Variants in PDE3B observed in about 807,000 individuals in gnomAD.
PDE3B encodes cGMP-inhibited 3',5'-cyclic phosphodiesterase 3B.
In PDE3B, 66 loss-of-function variants were observed where a neutral mutation model predicts 116.8. The observed-to-expected ratio is 0.56, with a 90% CI of 0.46 to 0.69. The LOEUF is 0.69. Among genes scored for constraint, PDE3B ranks in the 30% least tolerant of loss-of-function variants. PDE3B has a pLI of 0.00. For missense variants in PDE3B, 1,384 were observed against 1,368.1 expected, an observed-to-expected ratio of 1.01 and a Z score of -0.18; for synonymous variants, 595 against 533.6, an observed-to-expected ratio of 1.12 and a Z score of -1.59.
chr11:14,763,496 G>A (rs529017395), intron 1 of PDE3B, among the ~76,000 whole-genome samples: 1 of 151,942 alleles, frequency 6.6e-6, no homozygotes, highest in African/African-American at 2.4e-5. Context: ...ATGATAAAGG[G>A]GTGTGTGTGT....
At chr11:14,746,442 T>TTTTTC (rs1281407624) in intron 1 of PDE3B, among the ~76,000 whole-genome samples, 1 of 152,096 alleles carries the variant, frequency 6.6e-6, no homozygotes, top group Non-Finnish European at 1.5e-5. Context: ...GCTAATGCCC[T>TTTTTC]TTTTCTAGGG....
intron 4 of PDE3B, among the ~76,000 whole-genome samples, chr11:14,791,034 G>A (rs1160899177): frequency 6.6e-6 from 1 of 152,060 alleles, no homozygotes; most frequent in Non-Finnish European, 1.5e-5. Flanking sequence ...GCATGACTAA[G>A]GAACTGACTT....
chr11:14,820,704 G>T (rs1284835037), intron 7 of PDE3B, among the ~76,000 whole-genome samples: 1 of 152,028 alleles, frequency 6.6e-6, no homozygotes, highest in Non-Finnish European at 1.5e-5. Flanking sequence ...TCATGAATGG[G>T]ATTAGTTCCC....
At chr11:14,877,983 A>G in the PDE3B span, 1 of 822,300 alleles carries the variant, frequency 1.2e-6, no homozygotes, top group South Asian at 1.8e-5. Context: ...CTGCTCTAGT[A>G]CTATTTTAAG....
At chr11:14,887,483 ACTTATC>A in the PDE3B span, 1 of 646,236 alleles carries the variant, frequency 1.5e-6, no homozygotes, top group Non-Finnish European at 1.9e-6. Context: ...AATTGTGAAA[ACTTATC>A]CTTAAACTGC....
intron 1 of PDE3B, 37 bp from the exon 2 acceptor site, chr11:14,771,900 A>G (rs934926747): frequency 1.0e-5 from 10 of 990,484 alleles, no homozygotes; most frequent in East Asian, 2.9e-5. Flanking sequence ...TTTTTTGTTT[A>G]TTTTTGGTTT....
At chr11:14,747,456 T>C (rs192809053) in intron 1 of PDE3B, among the ~76,000 whole-genome samples, 1 of 152,162 alleles carries the variant, frequency 6.6e-6, no homozygotes, top group Non-Finnish European at 1.5e-5. Context: ...AGTGAGTGAG[T>C]ACTAGGAAGA....
At chr11:14,791,480 T>C (rs1858389177) in intron 4 of PDE3B, among the ~76,000 whole-genome samples, 1 of 152,142 alleles carries the variant, frequency 6.6e-6, no homozygotes, top group African/African-American at 2.4e-5. Flanking sequence ...GCTTACAAAA[T>C]TGATTTACTT....
intron 1 of PDE3B, among the ~76,000 whole-genome samples, chr11:14,688,411 A>G (rs1854950541): frequency 6.6e-6 from 1 of 152,118 alleles, no homozygotes. Flanking sequence ...TAGTGCTGAC[A>G]CTTATGTCAG....
At chr11:14,809,546 A>G (rs1859061651) in intron 5 of PDE3B, among the ~76,000 whole-genome samples, 2 of 152,370 alleles carry the variant, frequency 1.3e-5, no homozygotes, top group South Asian at 4.1e-4. Flanking sequence ...AGATAGAGAA[A>G]GTATATTAGT....
At chr11:14,722,153 C>T (rs1444663963) in intron 1 of PDE3B, among the ~76,000 whole-genome samples, 1 of 138,330 alleles carries the variant, frequency 7.2e-6, no homozygotes, top group Non-Finnish European at 1.5e-5. Flanking sequence ...ACACCAGGGC[C>T]TGTTGTGGAA....
intron 1 of PDE3B, among the ~76,000 whole-genome samples, chr11:14,712,060 A>G (rs1191440308): frequency 6.6e-6 from 1 of 152,150 alleles, no homozygotes; most frequent in Non-Finnish European, 1.5e-5. Context: ...ATGAGTGACT[A>G]TCCTGTCTAC....
At chr11:14,784,964 A>C (rs1375645383) in intron 2 of PDE3B, among the ~76,000 whole-genome samples, 1 of 152,156 alleles carries the variant, frequency 6.6e-6, no homozygotes, top group East Asian at 1.9e-4. Context: ...CCATTTGAAT[A>C]TGTAAATATT....
chr11:14,730,081 A>G (rs1359469805), intron 1 of PDE3B, among the ~76,000 whole-genome samples: 2 of 152,180 alleles, frequency 1.3e-5, no homozygotes, highest in Non-Finnish European at 2.9e-5. Context: ...ACCACCAAAA[A>G]TGAACACTCA....
At chr11:14,855,589 C>T (rs1394629135) in intron 12 of PDE3B, among the ~76,000 whole-genome samples, 2 of 152,038 alleles carry the variant, frequency 1.3e-5, no homozygotes, top group Non-Finnish European at 2.9e-5. Context: ...TCTTGCCCCT[C>T]ATCGAACTTA....
intron 1 of PDE3B, among the ~76,000 whole-genome samples, chr11:14,717,848 A>G (rs1280981074): frequency 7.2e-6 from 1 of 138,742 alleles, no homozygotes; most frequent in African/African-American, 2.7e-5. Flanking sequence ...GAGACTAGGA[A>G]GAAACTGCAT....
chr11:14,860,460 T>C (rs1555006946), intron 13 of PDE3B, among the ~76,000 whole-genome samples: 5 of 152,168 alleles, frequency 3.3e-5, no homozygotes, highest in Admixed American at 6.5e-5. Context: ...ATTCTTTTCA[T>C]TTTTTACAAA....
chr11:14,801,296 CT>C (rs1858754273), intron 4 of PDE3B, among the ~76,000 whole-genome samples: 1 of 152,092 alleles, frequency 6.6e-6, no homozygotes, highest in African/African-American at 2.4e-5. Flanking sequence ...ATTTATCTAC[CT>C]TTGGTCTTTG....
intron 1 of PDE3B, among the ~76,000 whole-genome samples, chr11:14,688,113 T>TCTTTC (rs1854931993): frequency 1.0e-3 from 112 of 109,944 alleles, no homozygotes; most frequent in African/African-American, 3.7e-3. Context: ...CTCTCTCTCT[T>TCTTTC]TCTCTCTCTC....
Sources: allele counts gnomAD v4.1 joint callset (sites outside exome capture counted in the v4.1 genomes callset), GRCh38; gene constraint gnomAD v4.1.1; transcripts MANE v1.5; gene names NCBI Gene and HGNC (gene_info 2026-07-23, HGNC 2026-07-21).